TBC1D23: variants seen among roughly 807,000 people sequenced by gnomAD.
TBC1D23 encodes HCV non-structural protein 4A-transactivated protein 1.
A neutral mutation model predicts 91.4 loss-of-function variants in TBC1D23; 55 were observed. The observed-to-expected ratio is 0.60, with a 90% confidence interval of 0.48 to 0.75. The LOEUF (loss-of-function observed/expected upper bound fraction) is 0.75. Among genes scored for constraint, TBC1D23 ranks in the 30% least tolerant of loss-of-function variants. TBC1D23 has a pLI of 0.00. For synonymous variants in TBC1D23, 289 were observed against 281.0 expected (o/e 1.03, Z -0.28); for missense variants, 725 against 836.1 (o/e 0.87, Z 1.64).
chr3:100,321,666 A>C (rs6787142), intron 18 of TBC1D23, among the ~76,000 whole-genome samples: 35,757 of 152,118 alleles, frequency 0.24, 4,666 homozygotes, highest in East Asian at 0.49. Flanking sequence ...GTGCTTGGAT[A>C]AATAGTAAGC....
At chr3:100,309,668 G>A (rs1439890366) in intron 13 of TBC1D23, among the ~76,000 whole-genome samples, 9 of 145,268 alleles carry the variant, frequency 6.2e-5, no homozygotes, top group Non-Finnish European at 1.0e-4. Context: ...CTGGAGTGCA[G>A]TGGTACAATC....
intron 13 of TBC1D23, among the ~76,000 whole-genome samples, chr3:100,308,372 G>A (rs961589177): frequency 6.6e-6 from 1 of 152,098 alleles, no homozygotes; most frequent in South Asian, 2.1e-4. Context: ...CTGCTCGGGA[G>A]GCTGAGGCAG....
At chr3:100,308,670 C>T (rs1006643831) in intron 13 of TBC1D23, among the ~76,000 whole-genome samples, 1 of 152,050 alleles carries the variant, frequency 6.6e-6, no homozygotes, top group Non-Finnish European at 1.5e-5. Context: ...CATAGCATAC[C>T]TAGAATTTTA....
intron 12 of TBC1D23, among the ~76,000 whole-genome samples, chr3:100,306,064 T>C (rs961908334): frequency 1.3e-5 from 2 of 152,218 alleles, no homozygotes; most frequent in African/African-American, 4.8e-5. Flanking sequence ...GATATCTCCT[T>C]ATGGTATAAC....
intron 9 of TBC1D23, among the ~76,000 whole-genome samples, chr3:100,298,347 C>T (rs1705345346): frequency 6.6e-6 from 1 of 152,082 alleles, no homozygotes; most frequent in African/African-American, 2.4e-5. Context: ...GTATAAAATA[C>T]TTTTAAAAGG....
chr3:100,314,042 T>C (rs1705680029), intron 15 of TBC1D23, among the ~76,000 whole-genome samples: 1 of 84,580 alleles, frequency 1.2e-5, no homozygotes, highest in Non-Finnish European at 3.1e-5. Context: ...TTATATTTAT[T>C]GAGGAATGTT....
In TBC1D23 at chr3:100,316,201, C is replaced by T; in HGVS notation, c.1687+14C>T. The T allele has an allele frequency of 1.9e-6, 3 of 1,587,966 alleles. No individual in the cohort carries two copies. Among genetic ancestry groups the T allele is most frequent in the Non-Finnish European group, 2.6e-6 (3 of 1,156,090 alleles). Reference sequence around the variant, plus strand: ...AATACGACACAGGTGTAGTAATACACTTAGCTACAGACAGCTTTGCTGTCA... The same window carrying T: ...AATACGACACAGGTGTAGTAATACATTTAGCTACAGACAGCTTTGCTGTCA... On this transcript the variant is annotated intron_variant, in intron 16 of 18. Coordinates refer to ENST00000394144, the MANE Select transcript of TBC1D23 (RefSeq NM_001199198.3).
At chr3:100,262,846 T>G (rs1171289714) in intron 1 of TBC1D23, among the ~76,000 whole-genome samples, 1 of 152,170 alleles carries the variant, frequency 6.6e-6, no homozygotes, top group Non-Finnish European at 1.5e-5. Context: ...ATCTTTTTTG[T>G]GCCAAGTCTT....
At chr3:100,283,067 C>T (rs1253837478) in intron 3 of TBC1D23, among the ~76,000 whole-genome samples, 2 of 152,180 alleles carry the variant, frequency 1.3e-5, no homozygotes, top group African/African-American at 4.8e-5. Flanking sequence ...TTTAAACTGT[C>T]TTAAAGTTAA....
intron 1 of TBC1D23, among the ~76,000 whole-genome samples, chr3:100,268,608 G>T (rs958218268): frequency 5.9e-5 from 9 of 152,284 alleles, no homozygotes; most frequent in Admixed American, 1.3e-4. Context: ...GTGGAAATTT[G>T]TAATTGACAT....
At chr3:100,306,134 T>C (rs546244171) in intron 12 of TBC1D23, among the ~76,000 whole-genome samples, 2 of 152,352 alleles carry the variant, frequency 1.3e-5, no homozygotes, top group East Asian at 3.9e-4. Flanking sequence ...AGAAATTATC[T>C]GTTAATACTT....
intron 15 of TBC1D23, 113 bp from the exon 16 acceptor site, chr3:100,315,986 G>A (rs1705736844): frequency 3.7e-6 from 3 of 802,126 alleles, no homozygotes; most frequent in Non-Finnish European, 6.4e-6. Context: ...GGGGTTTTGG[G>A]GGGGTCAGGT....
At chr3:100,314,074 C>G (rs910725687) in intron 15 of TBC1D23, among the ~76,000 whole-genome samples, 1 of 139,048 alleles carries the variant, frequency 7.2e-6, no homozygotes. Context: ...AGTAAATCAA[C>G]AAAATTAGGC....
intron 4 of TBC1D23, among the ~76,000 whole-genome samples, chr3:100,287,483 T>G (rs1474759789): frequency 6.6e-6 from 1 of 152,254 alleles, no homozygotes; most frequent in African/African-American, 2.4e-5. Context: ...GATCATGAAC[T>G]AGGCAATTGT....
chr3:100,299,799 C>T (rs1386372998), intron 10 of TBC1D23, among the ~76,000 whole-genome samples: 2 of 152,232 alleles, frequency 1.3e-5, no homozygotes, highest in Admixed American at 6.5e-5. Context: ...GCGTGAGCCA[C>T]CACGCCCAGC....
chr3:100,269,407 G>GT (rs1257736207), intron 1 of TBC1D23, among the ~76,000 whole-genome samples: 1 of 152,148 alleles, frequency 6.6e-6, no homozygotes, highest in East Asian at 1.9e-4. Context: ...TAAAATGCTT[G>GT]TAACAAGCAT....
At chr3:100,281,644 T>C in intron 2 of TBC1D23, 98 bp from the exon 3 acceptor site, 1 of 718,750 alleles carries the variant, frequency 1.4e-6, no homozygotes, top group Admixed American at 2.3e-5. Flanking sequence ...GTAATCTTTG[T>C]TATTATTTTT....
intron 18 of TBC1D23, among the ~76,000 whole-genome samples, chr3:100,321,671 G>T (rs923138863): frequency 2.0e-5 from 3 of 152,136 alleles, no homozygotes; most frequent in Non-Finnish European, 4.4e-5. Context: ...TGGATAAATA[G>T]TAAGCTTAAG....
intron 4 of TBC1D23, among the ~76,000 whole-genome samples, chr3:100,287,829 G>A (rs1426187160): frequency 6.6e-6 from 1 of 151,114 alleles, no homozygotes; most frequent in East Asian, 1.9e-4. Context: ...ATGTTGTCTA[G>A]GCTGGTCTTG....
Sources: gnomAD v4.1 joint callset for allele counts (sites outside exome capture counted in the v4.1 genomes callset) on GRCh38, gnomAD v4.1.1 for gene constraint, MANE v1.5 for transcripts, NCBI Gene and HGNC (gene_info 2026-07-23, HGNC 2026-07-21) for gene names.